The following EPHB1 variants were observed in gnomAD, a reference collection of about 807,000 sequenced individuals.
EPHB1 encodes EPH receptor B1.
A neutral mutation model predicts 94.4 loss-of-function variants in EPHB1; 30 were observed. The ratio of observed to expected loss-of-function variants is 0.32; its 90% CI spans 0.24 to 0.43. EPHB1 has a LOEUF of 0.43. Ranked by LOEUF, EPHB1 falls within the 20% of genes least tolerant of loss-of-function variation. The pLI, the probability that EPHB1 is intolerant of heterozygous loss-of-function variation, is 1.00. For synonymous variants in EPHB1, 522 were observed against 489.1 expected (o/e 1.07, Z -0.89); for missense variants, 1,055 against 1,308.3 (o/e 0.81, Z 2.99).
chr3:135,139,856 C>T (rs1940759434), intron 5 of EPHB1, among the ~76,000 whole-genome samples: 1 of 152,138 alleles, frequency 6.6e-6, no homozygotes, highest in South Asian at 2.1e-4. Flanking sequence ...TTCAACAGAC[C>T]AGTTTGAATG....
intron 5 of EPHB1, among the ~76,000 whole-genome samples, chr3:135,144,498 C>A (rs1940944935): frequency 6.6e-6 from 1 of 152,138 alleles, no homozygotes; most frequent in Non-Finnish European, 1.5e-5. Context: ...TATGGGACTA[C>A]ATTTTGAGAA....
intron 3 of EPHB1, among the ~76,000 whole-genome samples, chr3:135,064,678 T>A (rs1020677702): frequency 6.6e-6 from 1 of 152,144 alleles, no homozygotes; most frequent in Non-Finnish European, 1.5e-5. Context: ...TTTGTATTTT[T>A]TTTAAACTGT....
At chr3:135,197,482 A>C (rs1184033893) in intron 11 of EPHB1, among the ~76,000 whole-genome samples, 2 of 152,226 alleles carry the variant, frequency 1.3e-5, no homozygotes, top group East Asian at 3.8e-4. Context: ...CCAATTTATA[A>C]ACTAAAGGCA....
rs774730651 is a variant in EPHB1 at position 135,154,171 on chromosome 3, C to G, written c.1317C>G (p.Ile439Met). 3.7e-6 allele frequency: 6 copies of G among 1,614,044 alleles called. No individual in the cohort carries two copies. The highest frequency in any genetic ancestry group is 4.2e-6 in the Non-Finnish European group (5 of 1,179,890). Residue 439 changes from isoleucine (I) to methionine (M), a missense_variant, in exon 6 of 16, where the codon ATC (isoleucine) becomes ATG (methionine). Transcript: ENST00000398015. ...TNQAAPSTVP[I>M]MHQVSATMRS... ...CCACAGCCCCCTCCACCGTTCCCAT[C>G]ATGCACCAAGTCAGTGCCACTATGA...
chr3:135,098,539 T>C (rs1938897182), intron 3 of EPHB1, among the ~76,000 whole-genome samples: 1 of 152,172 alleles, frequency 6.6e-6, no homozygotes, highest in South Asian at 2.1e-4. Flanking sequence ...TCTCTCTTCT[T>C]TCTTTCTTCC....
intron 3 of EPHB1, among the ~76,000 whole-genome samples, chr3:134,962,914 A>C (rs1578234698): frequency 6.6e-6 from 1 of 151,446 alleles, no homozygotes; most frequent in Admixed American, 6.6e-5. Context: ...TGGAGCATAC[A>C]CCTTCCACTC....
chr3:135,048,696 G>A (rs1937082719), intron 3 of EPHB1, among the ~76,000 whole-genome samples: 1 of 152,160 alleles, frequency 6.6e-6, no homozygotes, highest in South Asian at 2.1e-4. Flanking sequence ...CTGGCATCTA[G>A]CCACATCTGG....
chr3:135,179,065 C>T (rs1242812964), intron 9 of EPHB1, among the ~76,000 whole-genome samples: 1 of 152,048 alleles, frequency 6.6e-6, no homozygotes. Flanking sequence ...ATTTTTTCTG[C>T]AGTGACAATT....
intron 1 of EPHB1, among the ~76,000 whole-genome samples, chr3:134,808,002 T>C (rs1177193063): frequency 2.1e-4 from 32 of 152,164 alleles, no homozygotes; most frequent in Non-Finnish European, 8.8e-5. Flanking sequence ...CCATGATGAA[T>C]TCAACAAGAA....
At chr3:134,867,402 G>A (rs2037402777) in intron 1 of EPHB1, among the ~76,000 whole-genome samples, 1 of 152,164 alleles carries the variant, frequency 6.6e-6, no homozygotes, top group African/African-American at 2.4e-5. Context: ...CATCCCAGTG[G>A]GTCTCTGTGC....
rs865892641 is a variant in EPHB1 at position 134,996,805 on chromosome 3, G to A, written c.805+44753G>A. ...TGTATTTCTTCTATCTTGAATGCCT[G>A]TTCATATTCTTTACCCATTTTTCTA... is the stretch of plus-strand genomic sequence containing the variant. On this transcript the variant is annotated intron_variant, in intron 3 of 15. Transcript: ENST00000398015. Among the ~76,000 whole-genome samples the A allele has an allele frequency of 2.0e-5, 3 of 151,842 alleles. No homozygotes were observed. The South Asian group carries it at 6.3e-4, about 32-fold the overall frequency.
chr3:134,813,852 A>G (rs543812013), intron 1 of EPHB1, among the ~76,000 whole-genome samples: 1 of 152,236 alleles, frequency 6.6e-6, no homozygotes, highest in South Asian at 2.1e-4. Context: ...CAAAGGCTGC[A>G]GTGGTACCAT....
intron 3 of EPHB1, among the ~76,000 whole-genome samples, chr3:135,091,076 A>G (rs1295764199): frequency 6.6e-6 from 1 of 152,228 alleles, no homozygotes; most frequent in Non-Finnish European, 1.5e-5. Context: ...AGCACCTCTT[A>G]GCTACACTTA....
chr3:134,987,904 T>C (rs1391395485), intron 3 of EPHB1, among the ~76,000 whole-genome samples: 3 of 152,094 alleles, frequency 2.0e-5, no homozygotes, highest in Non-Finnish European at 4.4e-5. Context: ...CCTCCAGAAC[T>C]GTAAGAAAAT....
chr3:135,130,376 G>A (rs557294457), intron 4 of EPHB1, among the ~76,000 whole-genome samples: 1 of 152,326 alleles, frequency 6.6e-6, no homozygotes, highest in South Asian at 2.1e-4. Flanking sequence ...CACATAGAAA[G>A]CCAAAGGAAA....
chr3:135,235,934 C>T (rs1390399639), intron 12 of EPHB1, among the ~76,000 whole-genome samples: 1 of 152,196 alleles, frequency 6.6e-6, no homozygotes, highest in Non-Finnish European at 1.5e-5. Flanking sequence ...GGAGCTATCC[C>T]TCACTCCCAA....
chr3:134,952,846 G>T (rs1933089068), intron 3 of EPHB1, among the ~76,000 whole-genome samples: 2 of 152,314 alleles, frequency 1.3e-5, no homozygotes, highest in East Asian at 1.9e-4. Context: ...GGCTCAGTCT[G>T]CTCTGGGAGT....
At chr3:135,075,886 A>G (rs962670691) in intron 3 of EPHB1, among the ~76,000 whole-genome samples, 1 of 152,194 alleles carries the variant, frequency 6.6e-6, no homozygotes, top group Non-Finnish European at 1.5e-5. Context: ...AGGTAACGTT[A>G]GCCCTTTCTC....
At chr3:134,999,954 T>TACATA (rs1935123505) in intron 3 of EPHB1, among the ~76,000 whole-genome samples, 1 of 152,226 alleles carries the variant, frequency 6.6e-6, no homozygotes, top group Admixed American at 6.5e-5. Context: ...TCTCCAAAGA[T>TACATA]GTTAAGTACA....
Sources: allele counts gnomAD v4.1 joint callset (sites outside exome capture counted in the v4.1 genomes callset), GRCh38; gene constraint gnomAD v4.1.1; transcripts MANE v1.5; gene names NCBI Gene and HGNC (gene_info 2026-07-23, HGNC 2026-07-21).